Variants in SLCO2A1 observed in about 807,000 individuals in gnomAD.
SLCO2A1 encodes matrin F/G 1.
A neutral mutation model predicts 71.7 loss-of-function variants in SLCO2A1; 60 were observed. The observed-to-expected ratio is 0.84, with a 90% CI of 0.68 to 1.04. SLCO2A1 has a LOEUF of 1.04. SLCO2A1 is among the 50% of genes least tolerant of loss of function. The pLI, the probability that SLCO2A1 is intolerant of heterozygous loss-of-function variation, is 0.00. For synonymous variants in SLCO2A1, 308 were observed against 326.7 expected (o/e 0.94, Z 0.62); for missense variants, 745 against 813.4 (o/e 0.92, Z 1.02).
At position 133,934,619 on chromosome 3, in the gene SLCO2A1, A is replaced by C. The variant is rs1180840892; in HGVS notation, c.*94T>G. ...GGTTTTCTTTCTTGTTTAAAAATAC[A>C]AAAAGGAAATGACGTGTTAACATTA... On this transcript the variant is annotated 3_prime_UTR_variant, in exon 14 of 14. Transcript: ENST00000310926. 5.5e-6 allele frequency: 5 copies of C among 905,978 alleles called. No homozygotes were observed. The highest frequency in any genetic ancestry group is 1.7e-6 in the Non-Finnish European group (1 of 573,968). The allele number at this position is 905,978 out of a possible 1,614,324, so 56.1% of individuals were successfully genotyped here. A position where few individuals can be genotyped will look rare whatever the true frequency, so the allele number is the denominator to read the frequency against.
At chr3:133,966,156 T>A (rs1487011389) in intron 3 of SLCO2A1, among the ~76,000 whole-genome samples, 1 of 152,218 alleles carries the variant, frequency 6.6e-6, no homozygotes, top group African/African-American at 2.4e-5. Context: ...CCTGTATCTA[T>A]CAATAAGTTT....
chr3:134,017,759 A>C (rs1935487195), intron 1 of SLCO2A1, among the ~76,000 whole-genome samples: 1 of 152,210 alleles, frequency 6.6e-6, no homozygotes, highest in South Asian at 2.1e-4. Context: ...GTGGGGGTTG[A>C]GAAGAGGGAG....
At chr3:133,991,375 C>T (rs2108064674) in intron 1 of SLCO2A1, among the ~76,000 whole-genome samples, 1 of 152,316 alleles carries the variant, frequency 6.6e-6, no homozygotes, top group Admixed American at 6.5e-5. Flanking sequence ...GAATCTAAAC[C>T]ATGGCCCAAT....
intron 1 of SLCO2A1, among the ~76,000 whole-genome samples, chr3:133,981,924 G>A (rs997169789): frequency 3.4e-5 from 5 of 147,036 alleles, no homozygotes; most frequent in African/African-American, 1.3e-4. Flanking sequence ...GCAGTGAGCT[G>A]AGATTGTGCC....
In SLCO2A1 at chr3:133,975,535, A is replaced by T. The variant is rs1248633847; in HGVS notation, c.235-1710T>A. Reference sequence around the variant, plus strand: ...AAGGGTCCTGCTGAACTATCAGACCATGTTCCCTCAGCTCAAACCCTCCAG... The same window carrying T: ...AAGGGTCCTGCTGAACTATCAGACCTTGTTCCCTCAGCTCAAACCCTCCAG... On this transcript the variant is annotated intron_variant, in intron 2 of 13. Transcript: ENST00000310926. 1.3e-5 allele frequency among the ~76,000 whole-genome samples: 2 copies of T among 152,012 alleles called. 1 individual carries two copies. Among genetic ancestry groups the T allele is most frequent in the African/African-American group, 4.8e-5 (2 of 41,356 alleles).
Position 133,953,775 on chromosome 3 carries a change from T to C in SLCO2A1, c.626-14A>G. ...CAAATAAGATGGCTGGAAAAGGAAG[T>C]AAGGGGAAGGAGACTGAGATAAATG... On this transcript the variant is annotated splice_polypyrimidine_tract_variant and intron_variant, in intron 4 of 13. Transcript: ENST00000310926. The C allele has an allele frequency of 6.2e-7, 1 of 1,606,846 alleles. No homozygotes were observed. The highest frequency in any genetic ancestry group is 8.5e-7 in the Non-Finnish European group (1 of 1,173,610).
intron 1 of SLCO2A1, among the ~76,000 whole-genome samples, chr3:134,003,310 G>A (rs115250355): frequency 0.012 from 1,828 of 152,314 alleles, 27 homozygotes; most frequent in African/African-American, 0.04. Context: ...GTGGATTCAC[G>A]TCTGCAGCCC....
chr3:133,978,435 G>C (rs1406064666), intron 2 of SLCO2A1, among the ~76,000 whole-genome samples: 1 of 152,142 alleles, frequency 6.6e-6, no homozygotes, highest in Admixed American at 6.5e-5. Flanking sequence ...ACAGGAAAGT[G>C]GTCCTGGGGT....
At chr3:134,021,570 G>GA (rs1279736107) in intron 1 of SLCO2A1, among the ~76,000 whole-genome samples, 2 of 151,964 alleles carry the variant, frequency 1.3e-5, no homozygotes, top group African/African-American at 2.4e-5. Context: ...AAGACCAGCA[G>GA]AGAGAGAGAA....
rs186365018 is a variant in SLCO2A1 at position 134,014,391 on chromosome 3, T to C, written c.96+15316A>G. Among the ~76,000 whole-genome samples the C allele has an allele frequency of 3.2e-3, 494 of 152,222 alleles. 3 individuals carry two copies. The highest frequency in any genetic ancestry group is 0.011 in the African/African-American group (475 of 41,528). On this transcript the variant is annotated intron_variant, in intron 1 of 13. Transcript: ENST00000310926. ...GAAGAGAGCTGCTGGCTGCAGAGTATCATCCCATCCTTCAACCCCTCAGTG... is the reference window on the plus strand; with the variant it reads ...GAAGAGAGCTGCTGGCTGCAGAGTACCATCCCATCCTTCAACCCCTCAGTG...
At chr3:134,009,095 A>T (rs963977858) in intron 1 of SLCO2A1, among the ~76,000 whole-genome samples, 1 of 152,244 alleles carries the variant, frequency 6.6e-6, no homozygotes, top group African/African-American at 2.4e-5. Flanking sequence ...CTGCCAAAGG[A>T]AGCTGGGGCA....
At chr3:134,022,448 G>T (rs1935609184) in intron 1 of SLCO2A1, among the ~76,000 whole-genome samples, 1 of 152,098 alleles carries the variant, frequency 6.6e-6, no homozygotes. Context: ...GAAGGTTTAA[G>T]CAAGTTTTAA....
chr3:133,963,955 T>C (rs535889721), intron 3 of SLCO2A1, among the ~76,000 whole-genome samples: 16 of 152,318 alleles, frequency 1.1e-4, no homozygotes, highest in African/African-American at 3.8e-4. Flanking sequence ...GTAAATTGGG[T>C]TGTTTGCAAA....
At chr3:134,015,604 A>C (rs1935433732) in intron 1 of SLCO2A1, among the ~76,000 whole-genome samples, 1 of 152,226 alleles carries the variant, frequency 6.6e-6, no homozygotes, top group Non-Finnish European at 1.5e-5. Context: ...ACCATAAAAA[A>C]TGATAGATAA....
At chr3:133,971,755 A>G (rs1362846264) in intron 3 of SLCO2A1, among the ~76,000 whole-genome samples, 1 of 152,204 alleles carries the variant, frequency 6.6e-6, no homozygotes, top group Non-Finnish European at 1.5e-5. Flanking sequence ...TCTATGAACT[A>G]GGCCTCTCAC....
intron 3 of SLCO2A1, among the ~76,000 whole-genome samples, chr3:133,969,946 C>G (rs1934286146): frequency 6.6e-6 from 1 of 152,148 alleles, no homozygotes; most frequent in Non-Finnish European, 1.5e-5. Context: ...ATCCTAAGGA[C>G]TCACATGTGA....
chr3:134,001,894 C>A (rs931919795), intron 1 of SLCO2A1, among the ~76,000 whole-genome samples: 2 of 152,140 alleles, frequency 1.3e-5, no homozygotes, highest in Non-Finnish European at 2.9e-5. Context: ...ACCGCCATGA[C>A]CCCAGGGAAC....
chr3:134,026,966 A>G (rs1199697987), intron 1 of SLCO2A1, among the ~76,000 whole-genome samples: 1 of 152,186 alleles, frequency 6.6e-6, no homozygotes, highest in Non-Finnish European at 1.5e-5. Flanking sequence ...TAATAATAAG[A>G]GTTATAATAG....
intron 1 of SLCO2A1, among the ~76,000 whole-genome samples, chr3:134,026,912 C>T (rs1405717558): frequency 6.6e-6 from 1 of 152,164 alleles, no homozygotes; most frequent in African/African-American, 2.4e-5. Flanking sequence ...ATCCTGGGGC[C>T]ATGTTTAGAA....
Sources: gnomAD v4.1 joint callset for allele counts (sites outside exome capture counted in the v4.1 genomes callset) on GRCh38, gnomAD v4.1.1 for gene constraint, MANE v1.5 for transcripts, NCBI Gene and HGNC (gene_info 2026-07-23, HGNC 2026-07-21) for gene names.